The following MYOCD variants were observed in gnomAD, a reference collection of about 807,000 sequenced individuals.
MYOCD encodes myocardin.
MYOCD carries 32 observed loss-of-function variants against 96.1 expected under a neutral mutation model. That is an observed-to-expected ratio of 0.33 (90% CI 0.25 to 0.45). MYOCD has a LOEUF of 0.45. Ranked by LOEUF, MYOCD falls within the 20% of genes least tolerant of loss-of-function variation. MYOCD has a pLI of 1.00. For missense variants in MYOCD, 1,133 were observed against 1,200.6 expected (o/e 0.94, Z 0.83); for synonymous variants, 469 against 469.0 (o/e 1.00, Z 0.00).
intron 12 of MYOCD, among the ~76,000 whole-genome samples, chr17:12,759,901 G>A (rs2033122521): frequency 6.6e-6 from 1 of 152,148 alleles, no homozygotes; most frequent in East Asian, 1.9e-4. Flanking sequence ...CAACTGAACC[G>A]ACTCTAAAGT....
At position 12,752,062 on chromosome 17, in the gene MYOCD, G is replaced by A. The variant is rs2032867060; in HGVS notation, c.1126-352G>A. ...TGTACTTCAAGACTATTGTTGGAGG[G>A]CTTGTGTCTAAACCCAGGCAGATAT... On this transcript the variant is annotated intron_variant, in intron 9 of 13. Transcript: ENST00000425538. 2.0e-5 allele frequency among the ~76,000 whole-genome samples: 3 copies of A among 152,124 alleles called. No individual in the cohort carries two copies. In the South Asian group the frequency reaches 6.2e-4, roughly 31 times the overall value.
chr17:12,740,760 T>C (rs1597797491), intron 7 of MYOCD, among the ~76,000 whole-genome samples: 1 of 152,014 alleles, frequency 6.6e-6, no homozygotes, highest in Non-Finnish European at 1.5e-5. Flanking sequence ...TCTTTTGAGA[T>C]GGAGTTTCAC....
At chr17:12,691,116 G>A (rs527623804) in intron 1 of MYOCD, among the ~76,000 whole-genome samples, 6 of 152,208 alleles carry the variant, frequency 3.9e-5, no homozygotes, top group Non-Finnish European at 8.8e-5. Context: ...CCGTTCCCTA[G>A]CAATGTCACA....
intron 7 of MYOCD, among the ~76,000 whole-genome samples, chr17:12,743,638 G>A (rs1396577637): frequency 9.2e-5 from 14 of 151,704 alleles, no homozygotes; most frequent in African/African-American, 2.7e-4. Context: ...GATTACAGGC[G>A]CCTGACACCA....
intron 1 of MYOCD, among the ~76,000 whole-genome samples, chr17:12,681,154 C>T (rs1297896372): frequency 6.6e-6 from 1 of 152,218 alleles, no homozygotes; most frequent in Non-Finnish European, 1.5e-5. Context: ...GACTGCTACC[C>T]TGTACTGCTT....
intron 10 of MYOCD, among the ~76,000 whole-genome samples, chr17:12,754,825 C>T (rs1443912975): frequency 1.3e-5 from 2 of 152,208 alleles, no homozygotes; most frequent in Non-Finnish European, 2.9e-5. Flanking sequence ...CATTACAAGG[C>T]ATGTCTATGA....
chr17:12,689,780 G>A (rs766556968), intron 1 of MYOCD, among the ~76,000 whole-genome samples: 3 of 151,702 alleles, frequency 2.0e-5, no homozygotes, highest in African/African-American at 4.8e-5. Context: ...GCAGTGGGCC[G>A]AGATCACACC....
In MYOCD at chr17:12,760,854, G is replaced by A. The variant is rs141707102; in HGVS notation, c.2389+147G>A. On this transcript the variant is annotated intron_variant, in intron 13 of 13. Transcript: ENST00000425538. ...GAGAGCCATTTCCTTTGAGCTTCTC[G>A]CACATTTTTAGAGCTGATAAAAGAA... 6.3e-3 allele frequency: 4,295 copies of A among 679,210 alleles called. 52 individuals carry two copies. The highest frequency in any genetic ancestry group is 0.017 in the South Asian group (950 of 56,470). 42.1% of individuals were successfully genotyped at this position (679,210 alleles called of 1,614,324 possible).
intron 1 of MYOCD, among the ~76,000 whole-genome samples, chr17:12,681,284 A>C (rs1261573876): frequency 6.6e-6 from 1 of 152,084 alleles, no homozygotes; most frequent in Non-Finnish European, 1.5e-5. Flanking sequence ...AGGCATTTCC[A>C]CTTGAGGTTT....
chr17:12,741,952 C>T lies in MYOCD; in HGVS notation c.718-2231C>T, dbSNP rs530357463. On this transcript the variant is annotated intron_variant, in intron 7 of 13. Coordinates refer to ENST00000425538, the MANE Select transcript of MYOCD (RefSeq NM_001146312.3). The stretch of plus-strand genomic sequence containing the variant: ...AGAATAGTAATAGTAGCCTTTACCC[C>T]AGACTATCCAGAGTAAATGGTCCGA... Among the ~76,000 whole-genome samples the T allele has an allele frequency of 2.6e-5, 4 of 152,158 alleles. No homozygotes were observed. In the East Asian group the frequency reaches 7.7e-4, roughly 29 times the overall value.
At chr17:12,718,118 A>G (rs1442506194) in intron 4 of MYOCD, among the ~76,000 whole-genome samples, 1 of 152,108 alleles carries the variant, frequency 6.6e-6, no homozygotes, top group African/African-American at 2.4e-5. Context: ...TTGAACACAC[A>G]CTGTATTGGG....
At position 12,763,623 on chromosome 17, in the gene MYOCD, C is replaced by T. The variant is rs1241089114; in HGVS notation, c.2940C>T (p.Asp980=). The T allele has an allele frequency of 6.2e-7, 1 of 1,611,716 alleles. No individual in the cohort carries two copies. The highest frequency in any genetic ancestry group is 8.5e-7 in the Non-Finnish European group (1 of 1,178,786). Residue 980 remains aspartate, a synonymous_variant, in exon 14 of 14, where the codon GAC becomes GAT. Transcript: ENST00000425538. Reference sequence around the variant, plus strand: ...ATCTCAATTTGAATTCTTCCATGGACCTTCACTTGCAGCAGTGGTAGAATG... The same window carrying T: ...ATCTCAATTTGAATTCTTCCATGGATCTTCACTTGCAGCAGTGGTAGAATG... ...VTDLNLNSSM[D]LHLQQW is the part of the protein sequence containing the mutation.
At chr17:12,751,297 ATG>A (rs1489830762) in intron 9 of MYOCD, among the ~76,000 whole-genome samples, 4 of 151,000 alleles carry the variant, frequency 2.6e-5, no homozygotes, top group Middle Eastern at 3.2e-3. Context: ...GTATATATAT[ATG>A]TACATACATT....
chr17:12,756,578 C>G (rs2033019129), intron 11 of MYOCD, 21 bp downstream of exon 11: 1 of 1,542,682 alleles, frequency 6.5e-7, no homozygotes, highest in Admixed American at 2.0e-5. Context: ...GAAAAAAGGC[C>G]TCAACCTGGG....
Position 12,745,951 on chromosome 17 carries a change from A to T in MYOCD, c.1004A>T (p.Asn335Ile). Reference sequence around the variant, plus strand: ...AATGAACAGATGGTCAGAAATCCAAACTCTTCTTCAACGCCACTGAGCAAT... The same window carrying T: ...AATGAACAGATGGTCAGAAATCCAATCTCTTCTTCAACGCCACTGAGCAAT... ...EPNEQMVRNP[N>I]SSSTPLSNTP... The change falls in exon 9 of 14, where the codon AAC becomes ATC. Residue 335 changes from asparagine (N) to isoleucine (I), a missense_variant. Transcript: ENST00000425538. 1 of 1,613,874 alleles carries T rather than the reference A, an allele frequency of 6.2e-7. No homozygotes were observed. Among genetic ancestry groups the T allele is most frequent in the Non-Finnish European group, 8.5e-7 (1 of 1,179,984 alleles).
chr17:12,713,843 G>A (rs1358631108), intron 2 of MYOCD, among the ~76,000 whole-genome samples: 2 of 152,170 alleles, frequency 1.3e-5, no homozygotes, highest in African/African-American at 2.4e-5. Context: ...ACAGCTGCAC[G>A]TTAATTTCTC....
At chr17:12,716,985 CAAAAAAAAAAAAAAAAA>C (rs56992216) in intron 3 of MYOCD, among the ~76,000 whole-genome samples, 15 of 112,948 alleles carry the variant, frequency 1.3e-4, no homozygotes, top group African/African-American at 5.2e-4. Context: ...GATGCTGTCT[CAAAAAAAAAAAAAAAAA>C]AAAAAAAAAA....
intron 4 of MYOCD, among the ~76,000 whole-genome samples, chr17:12,721,281 A>G (rs569778777): frequency 6.6e-6 from 1 of 152,280 alleles, no homozygotes; most frequent in African/African-American, 2.4e-5. Flanking sequence ...TCTTTTGTCA[A>G]CAGAAATTGG....
At chr17:12,669,398 A>G (rs1191452794) in intron 1 of MYOCD, among the ~76,000 whole-genome samples, 1 of 152,202 alleles carries the variant, frequency 6.6e-6, no homozygotes, top group Admixed American at 6.5e-5. Context: ...ACAGAGGCAA[A>G]GTCTGGCAAT....
Sources: allele counts gnomAD v4.1 joint callset (sites outside exome capture counted in the v4.1 genomes callset), GRCh38; gene constraint gnomAD v4.1.1; transcripts MANE v1.5; gene names NCBI Gene and HGNC (gene_info 2026-07-23, HGNC 2026-07-21).